The following SNX14 variants were observed in gnomAD, a reference collection of about 807,000 sequenced individuals.
SNX14 encodes the protein sorting nexin-14.
In SNX14, 93 loss-of-function variants were observed where a neutral mutation model predicts 133.8. That is an observed-to-expected ratio of 0.70 (90% CI 0.59 to 0.83). The LOEUF (loss-of-function observed/expected upper bound fraction) is 0.83. Among genes scored for constraint, SNX14 ranks in the 40% least tolerant of loss-of-function variants. The pLI is 0.00. For missense variants in SNX14, 945 were observed against 1,094.9 expected, an observed-to-expected ratio of 0.86 and a Z score of 1.93; for synonymous variants, 368 against 365.6, an observed-to-expected ratio of 1.01 and a Z score of -0.07.
At chr6:85,558,140 G>A (rs1199794505) in intron 6 of SNX14, 80 bp from the exon 7 acceptor site, 1 of 710,488 alleles carries the variant, frequency 1.4e-6, no homozygotes, top group Non-Finnish European at 2.4e-6. Flanking sequence ...TATGATATTG[G>A]AATATATCTT....
chr6:85,576,726 C>T (rs2128210643), intron 1 of SNX14, among the ~76,000 whole-genome samples: 1 of 152,270 alleles, frequency 6.6e-6, no homozygotes, highest in East Asian at 1.9e-4. Flanking sequence ...CCATGTGTTT[C>T]TGGGGCCCAG....
chr6:85,546,526 T>A lies in SNX14; in HGVS notation c.1108+586A>T, dbSNP rs558048832. On this transcript the variant is annotated intron_variant, in intron 12 of 28. Transcript: ENST00000314673. Reference sequence around the variant, plus strand: ...AGTGATATTGACATGGGCTACAGTTTGGGTTTTTAATATATTTTCATTATA... The same window carrying A: ...AGTGATATTGACATGGGCTACAGTTAGGGTTTTTAATATATTTTCATTATA... Among the ~76,000 whole-genome samples, 6 of 152,278 alleles carry A rather than the reference T, an allele frequency of 3.9e-5. No homozygotes were observed. In the South Asian group the frequency reaches 1.2e-3, roughly 32 times the overall value.
At chr6:85,541,956 C>G (rs778241594) in intron 15 of SNX14, 29 bp downstream of exon 15, 14 of 1,559,112 alleles carry the variant, frequency 9.0e-6, no homozygotes, top group Non-Finnish European at 1.2e-5. Flanking sequence ...CTGGCATCAG[C>G]AAGTTCAAAA....
intron 4 of SNX14, among the ~76,000 whole-genome samples, chr6:85,570,767 C>A (rs892644211): frequency 6.6e-6 from 1 of 151,838 alleles, no homozygotes; most frequent in Non-Finnish European, 1.5e-5. Context: ...GCAAGAGAAT[C>A]GTTTGAACTC....
intron 12 of SNX14, among the ~76,000 whole-genome samples, chr6:85,546,006 C>T (rs745951680): frequency 6.6e-6 from 1 of 152,264 alleles, no homozygotes; most frequent in Non-Finnish European, 1.5e-5. Context: ...TAGACAAAAA[C>T]ATACATGAAC....
At chr6:85,583,743 C>T (rs1007920123) in intron 1 of SNX14, among the ~76,000 whole-genome samples, 4 of 151,944 alleles carry the variant, frequency 2.6e-5, no homozygotes, top group African/African-American at 4.8e-5. Context: ...CAAGGAAATA[C>T]GAGAGGACAC....
In SNX14 at chr6:85,506,006, C is replaced by T; in HGVS notation, c.2803-1G>A. On this transcript the variant is annotated splice_acceptor_variant, in intron 28 of 28. Coordinates refer to ENST00000314673, the MANE Select transcript of SNX14 (RefSeq NM_153816.6). LOFTEE classifies it high-confidence loss of function. ...TCACAGAGGTAACTTCCTTTTGTAC[C>T]TAAAGTAAAAATAAATCCATTTAAT... 1.3e-6 allele frequency: 2 copies of T among 1,584,662 alleles called. No individual in the cohort carries two copies. The highest frequency in any genetic ancestry group is 1.3e-5 in the African/African-American group (1 of 74,394).
At chr6:85,591,877 G>A (rs1481362191) in intron 1 of SNX14, among the ~76,000 whole-genome samples, 1 of 152,054 alleles carries the variant, frequency 6.6e-6, no homozygotes, top group Non-Finnish European at 1.5e-5. Context: ...GCCGGGCATG[G>A]TGGTGCCCAC....
At chr6:85,565,117 T>C (rs1279038829) in intron 6 of SNX14, among the ~76,000 whole-genome samples, 1 of 144,626 alleles carries the variant, frequency 6.9e-6, no homozygotes, top group Non-Finnish European at 1.5e-5. Flanking sequence ...TAACTGAGTA[T>C]ATTTGGATTG....
chr6:85,555,830 A>G (rs1789540037), intron 7 of SNX14, among the ~76,000 whole-genome samples: 2 of 152,000 alleles, frequency 1.3e-5, no homozygotes, highest in African/African-American at 4.8e-5. Flanking sequence ...TCTCTACTAA[A>G]AATACAAAAT....
At chr6:85,550,009 G>C in intron 7 of SNX14, 130 bp from the exon 8 acceptor site, 1 of 707,238 alleles carries the variant, frequency 1.4e-6, no homozygotes, top group South Asian at 2.1e-5. Context: ...CATTTTGTGA[G>C]GCCGAGGCAG....
Position 85,566,729 on chromosome 6 carries a change from A to G in SNX14, c.461+805T>C, listed in dbSNP as rs549373026. Among the ~76,000 whole-genome samples, 54 of 152,168 alleles carry G rather than the reference A, an allele frequency of 3.5e-4. 2 individuals are homozygous for G. In the South Asian group the frequency reaches 0.011, roughly 30 times the overall value. ...AAAAAAAAGAAAGAAAAGAAAATTC[A>G]AAATATACTGAATCAATATAAAATC... On this transcript the variant is annotated intron_variant, in intron 5 of 28. Transcript: ENST00000314673.
intron 7 of SNX14, among the ~76,000 whole-genome samples, chr6:85,552,291 C>T (rs1788108080): frequency 6.6e-6 from 1 of 152,096 alleles, no homozygotes; most frequent in Non-Finnish European, 1.5e-5. Flanking sequence ...CCGCCTCGGC[C>T]TCCCAAAGTG....
chr6:85,546,058 G>A (rs1419287550), intron 12 of SNX14, among the ~76,000 whole-genome samples: 1 of 152,276 alleles, frequency 6.6e-6, no homozygotes, highest in African/African-American at 2.4e-5. Flanking sequence ...TAGGCACAAA[G>A]GAGTACATAT....
At position 85,592,418 on chromosome 6, in the gene SNX14, CA is replaced by C. The variant is rs373721365; in HGVS notation, c.140+1160del. ...TAAAGAGTAAGAATGGTTGCCTGTT[CA>C]AAACATCAGAGAAAACAGCTTGCGG... On this transcript the variant is annotated intron_variant, in intron 1 of 28. Transcript: ENST00000314673. Among the ~76,000 whole-genome samples the C allele has an allele frequency of 2.6e-5, 4 of 152,276 alleles. No homozygotes were observed. In the South Asian group the frequency reaches 8.3e-4, roughly 32 times the overall value.
intron 23 of SNX14, 122 bp from the exon 24 acceptor site, chr6:85,514,751 T>C: frequency 1.1e-6 from 1 of 913,760 alleles, no homozygotes; most frequent in Non-Finnish European, 1.6e-6. Flanking sequence ...AAACAGAATA[T>C]TAGATAGGTT....
chr6:85,547,937 A>T (rs1786268750), intron 9 of SNX14, among the ~76,000 whole-genome samples: 1 of 152,238 alleles, frequency 6.6e-6, no homozygotes, highest in Non-Finnish European at 1.5e-5. Context: ...AAATTCTGAC[A>T]CATGCTACAA....
At chr6:85,574,455 A>G in intron 1 of SNX14, 77 bp from the exon 2 acceptor site, 2 of 1,062,296 alleles carry the variant, frequency 1.9e-6, no homozygotes, top group South Asian at 4.1e-5. Flanking sequence ...TGACTTAACA[A>G]GCATTCATTA....
At position 85,574,312 on chromosome 6, in the gene SNX14, T is replaced by C. The variant is rs1796627519; in HGVS notation, c.207A>G (p.Leu69=). 1 of 1,593,472 alleles carries C rather than the reference T, an allele frequency of 6.3e-7. No homozygotes were observed. The change falls in exon 2 of 29, where the codon CTA becomes CTG. Residue 69 remains leucine, a synonymous_variant. Coordinates refer to ENST00000314673, the MANE Select transcript of SNX14 (RefSeq NM_153816.6). The part of the protein sequence containing the change: ...VAGVVTFYCS[L]GPDSLLPNIF... ...TATTTGGTAAGAGAGAATCAGGTCC[T>C]AGTGAGCAGTAGAATGTGACAACTC... is the stretch of plus-strand genomic sequence containing the variant.
Sources: allele counts gnomAD v4.1 joint callset (sites outside exome capture counted in the v4.1 genomes callset), GRCh38; gene constraint gnomAD v4.1.1; transcripts MANE v1.5; gene names NCBI Gene and HGNC (gene_info 2026-07-23, HGNC 2026-07-21).